SLC16A7: variants seen among roughly 807,000 people sequenced by gnomAD.
SLC16A7 encodes the protein monocarboxylate transporter 2.
In SLC16A7, 33 loss-of-function variants were observed where a neutral mutation model predicts 34.9. The ratio of observed to expected loss-of-function variants is 0.94; its 90% CI spans 0.72 to 1.26. The LOEUF (loss-of-function observed/expected upper bound fraction) is 1.26, where lower values mean the gene tolerates loss of function less well. Among genes scored for constraint, SLC16A7 ranks in the 50% most tolerant of loss-of-function variants. The pLI is 0.00. For synonymous variants in SLC16A7, 201 were observed against 206.6 expected (o/e 0.97, Z 0.23); for missense variants, 573 against 578.1 (o/e 0.99, Z 0.09).
chr12:59,601,360 T>C (rs185740845), intron 1 of SLC16A7, among the ~76,000 whole-genome samples: 131 of 152,308 alleles, frequency 8.6e-4, no homozygotes, highest in African/African-American at 2.9e-3. Context: ...AAAATAAAAC[T>C]ACAAAGCATG....
At chr12:59,636,398 C>T (rs1041340412) in intron 1 of SLC16A7, among the ~76,000 whole-genome samples, 3 of 152,056 alleles carry the variant, frequency 2.0e-5, no homozygotes, top group African/African-American at 7.2e-5. Context: ...AGTTATTCTA[C>T]AGAATGTTCA....
chr12:59,765,677 G>A lies in SLC16A7; in HGVS notation c.218-5542G>A, dbSNP rs187864086. Among the ~76,000 whole-genome samples the A allele has an allele frequency of 1.6e-4, 24 of 152,260 alleles. No homozygotes were observed. In the Middle Eastern group the frequency reaches 0.01, roughly 65 times the overall value. ...GCATTATTTCTGAGGGCTCTGTTCT[G>A]TTCCGTTGGTCTATATCTCTGTTTT... On this transcript the variant is annotated intron_variant, in intron 3 of 5. Coordinates refer to ENST00000547379, the MANE Select transcript of SLC16A7 (RefSeq NM_001270623.2).
At chr12:59,669,650 A>T (rs549268296) in intron 2 of SLC16A7, among the ~76,000 whole-genome samples, 1 of 130,458 alleles carries the variant, frequency 7.7e-6, no homozygotes, top group East Asian at 3.0e-4. Flanking sequence ...ACCCATAGAT[A>T]GTCACACACA....
Position 59,773,725 on chromosome 12 carries a change from C to T in SLC16A7, c.362-932C>T, listed in dbSNP as rs559627859. ...GATTACAGGCATGTGCCACCACACC[C>T]GGCTAATTTTTGTATTTTTAGTAGA... On this transcript the variant is annotated intron_variant, in intron 4 of 5. Transcript: ENST00000547379. 2.3e-3 allele frequency among the ~76,000 whole-genome samples: 356 copies of T among 152,126 alleles called. 1 individual carries two copies. The highest frequency in any genetic ancestry group is 3.0e-3 in the Non-Finnish European group (207 of 67,992).
At chr12:59,622,919 G>A (rs528448164) in intron 1 of SLC16A7, among the ~76,000 whole-genome samples, 2 of 151,478 alleles carry the variant, frequency 1.3e-5, no homozygotes, top group African/African-American at 2.4e-5. Flanking sequence ...CATCTATGGT[G>A]ATCCATCTGG....
At chr12:59,706,360 C>A (rs1017839686) in intron 3 of SLC16A7, among the ~76,000 whole-genome samples, 1 of 105,526 alleles carries the variant, frequency 9.5e-6, no homozygotes, top group South Asian at 2.9e-4. Flanking sequence ...TGAAATAATT[C>A]CCTGTGTGTG....
intron 1 of SLC16A7, among the ~76,000 whole-genome samples, chr12:59,625,850 A>AT (rs1374941086): frequency 6.6e-6 from 1 of 151,956 alleles, no homozygotes; most frequent in Non-Finnish European, 1.5e-5. Context: ...CATGGAGGAA[A>AT]TAAAAACAGA....
At chr12:59,651,018 C>T (rs1354867022) in intron 1 of SLC16A7, among the ~76,000 whole-genome samples, 1 of 152,096 alleles carries the variant, frequency 6.6e-6, no homozygotes, top group Non-Finnish European at 1.5e-5. Context: ...ATGCAGAGCC[C>T]TTCTCAAAAC....
chr12:59,755,693 C>A (rs1215974068), intron 3 of SLC16A7, among the ~76,000 whole-genome samples: 5 of 152,086 alleles, frequency 3.3e-5, no homozygotes, highest in South Asian at 2.1e-4. Context: ...AAGGTAATTT[C>A]TAGTTTCAAT....
chr12:59,682,740 C>G (rs1870837883), intron 2 of SLC16A7, among the ~76,000 whole-genome samples: 1 of 151,994 alleles, frequency 6.6e-6, no homozygotes, highest in African/African-American at 2.4e-5. Context: ...AAACTTTGTA[C>G]ATGAAAGCAA....
chr12:59,611,969 A>G (rs897602265), intron 1 of SLC16A7, among the ~76,000 whole-genome samples: 3 of 152,198 alleles, frequency 2.0e-5, no homozygotes, highest in Non-Finnish European at 1.5e-5. Context: ...GCTGGCATTA[A>G]GTGTCTGCAG....
At chr12:59,771,117 A>G (rs1882178560) in intron 3 of SLC16A7, 102 bp from the exon 4 acceptor site, 1 of 1,141,298 alleles carries the variant, frequency 8.8e-7, no homozygotes, top group Non-Finnish European at 1.3e-6. Context: ...TCCTCTGACC[A>G]TTAAAATGTG....
intron 2 of SLC16A7, among the ~76,000 whole-genome samples, chr12:59,693,894 G>A (rs1454638256): frequency 6.6e-6 from 1 of 151,708 alleles, no homozygotes; most frequent in Non-Finnish European, 1.5e-5. Flanking sequence ...TAGCAATTTG[G>A]TCACCTACTA....
intron 2 of SLC16A7, among the ~76,000 whole-genome samples, chr12:59,697,022 A>G (rs1355137427): frequency 6.6e-6 from 1 of 151,966 alleles, no homozygotes; most frequent in Non-Finnish European, 1.5e-5. Flanking sequence ...ACGCTTAATC[A>G]TATGTTTTTT....
At chr12:59,765,282 TG>T (rs1167101110) in intron 3 of SLC16A7, among the ~76,000 whole-genome samples, 1 of 152,202 alleles carries the variant, frequency 6.6e-6, no homozygotes, top group Non-Finnish European at 1.5e-5. Flanking sequence ...TTCTGTAGGT[TG>T]CCTGTTCACT....
intron 1 of SLC16A7, among the ~76,000 whole-genome samples, chr12:59,616,506 G>A (rs767776536): frequency 6.6e-6 from 1 of 151,988 alleles, no homozygotes; most frequent in Non-Finnish European, 1.5e-5. Flanking sequence ...AAAAGAATTA[G>A]TTTTTAAAAT....
At chr12:59,735,748 C>T (rs1404444531) in intron 3 of SLC16A7, among the ~76,000 whole-genome samples, 1 of 152,052 alleles carries the variant, frequency 6.6e-6, no homozygotes, top group Non-Finnish European at 1.5e-5. Context: ...TATGCAATTT[C>T]CACTGGGGTT....
chr12:59,640,046 G>T (rs888378299), intron 1 of SLC16A7, among the ~76,000 whole-genome samples: 4 of 152,104 alleles, frequency 2.6e-5, no homozygotes, highest in African/African-American at 9.7e-5. Context: ...TTATTATAAA[G>T]GATATAACTC....
chr12:59,756,298 C>T (rs532038315), intron 3 of SLC16A7, among the ~76,000 whole-genome samples: 4 of 152,266 alleles, frequency 2.6e-5, no homozygotes, highest in South Asian at 4.1e-4. Context: ...GCAAAACAAA[C>T]TACCATCAGA....
Sources: allele counts gnomAD v4.1 joint callset (sites outside exome capture counted in the v4.1 genomes callset), GRCh38; gene constraint gnomAD v4.1.1; transcripts MANE v1.5; gene names NCBI Gene and HGNC (gene_info 2026-07-23, HGNC 2026-07-21).